Variants in UNC80 observed in about 807,000 individuals in gnomAD.
UNC80 encodes the protein unc-80 subunit of NALCN channel complex.
Under a neutral mutation model 384.6 loss-of-function variants are expected in UNC80, and 164 were observed. That is an observed-to-expected ratio of 0.43 (90% CI 0.38 to 0.49). The LOEUF (loss-of-function observed/expected upper bound fraction) is 0.49. UNC80 is among the 20% of genes least tolerant of loss of function. The pLI is 0.00. For synonymous variants in UNC80, 1,486 were observed against 1,527.8 expected, an observed-to-expected ratio of 0.97 and a Z score of 0.64; for missense variants, 3,330 against 4,143.0, an observed-to-expected ratio of 0.80 and a Z score of 5.39.
intron 52 of UNC80, 72 bp downstream of exon 52, chr2:209,967,709 T>C (rs2092777424): frequency 6.9e-7 from 1 of 1,452,454 alleles, no homozygotes; most frequent in South Asian, 1.3e-5. Context: ...TTTAAGATGG[T>C]GGATCATTCT....
At chr2:209,817,568 G>A (rs1295060997) in intron 10 of UNC80, among the ~76,000 whole-genome samples, 1 of 151,770 alleles carries the variant, frequency 6.6e-6, no homozygotes, top group Non-Finnish European at 1.5e-5. Context: ...CAGCTAGCTG[G>A]GCCACAACAG....
intron 13 of UNC80, among the ~76,000 whole-genome samples, chr2:209,825,423 C>T (rs555592953): frequency 1.2e-4 from 19 of 152,070 alleles, no homozygotes; most frequent in Non-Finnish European, 2.6e-4. Flanking sequence ...TGAAAGTATA[C>T]AATTAGAAAT....
chr2:209,991,201 G>C (rs1272151849), intron 61 of UNC80, among the ~76,000 whole-genome samples: 1 of 152,166 alleles, frequency 6.6e-6, no homozygotes, highest in Admixed American at 6.5e-5. Flanking sequence ...ACTATCTGTA[G>C]ATGACTCTCC....
intron 7 of UNC80, among the ~76,000 whole-genome samples, chr2:209,806,140 A>T (rs137959555): frequency 6.6e-6 from 1 of 152,172 alleles, no homozygotes; most frequent in East Asian, 1.9e-4. Context: ...AAAACCAAGA[A>T]CAGTGTAAAA....
At chr2:209,945,263 CAT>C in intron 46 of UNC80, 74 bp downstream of exon 46, 1 of 1,396,806 alleles carries the variant, frequency 7.2e-7, no homozygotes, top group South Asian at 1.5e-5. Flanking sequence ...ATTATACACA[CAT>C]ACACGTATAT....
Position 209,913,950 on chromosome 2 carries a change from G to A in UNC80, c.5029+10G>A. ...ATGGCAGGGGCAGCAGGTAAAGAAA[G>A]ACCACCTGGAACCCTGTGCCTGCTG... On this transcript the variant is annotated intron_variant, in intron 31 of 64. Coordinates refer to ENST00000673920, the MANE Select transcript of UNC80 (RefSeq NM_001371986.1). 1 of 1,540,788 alleles carries A rather than the reference G, an allele frequency of 6.5e-7. No individual in the cohort carries two copies. The highest frequency in any genetic ancestry group is 2.5e-5 in the East Asian group (1 of 40,688).
chr2:209,870,988 A>G (rs922807957), intron 22 of UNC80, among the ~76,000 whole-genome samples: 1 of 152,178 alleles, frequency 6.6e-6, no homozygotes, highest in Non-Finnish European at 1.5e-5. Flanking sequence ...CTAAGTTGAC[A>G]TAATTGGACC....
intron 11 of UNC80, among the ~76,000 whole-genome samples, chr2:209,818,768 GTT>G (rs1212704902): frequency 1.3e-5 from 2 of 152,214 alleles, no homozygotes; most frequent in South Asian, 2.1e-4. Flanking sequence ...AAGGAAGCCA[GTT>G]ATAATTCACA....
intron 22 of UNC80, among the ~76,000 whole-genome samples, chr2:209,850,121 A>G (rs1462541773): frequency 1.3e-5 from 2 of 152,130 alleles, no homozygotes; most frequent in Non-Finnish European, 2.9e-5. Context: ...AAAAATATGA[A>G]GCAAGATCAA....
chr2:209,854,346 G>A (rs1190024034), intron 22 of UNC80, among the ~76,000 whole-genome samples: 1 of 152,008 alleles, frequency 6.6e-6, no homozygotes, highest in Non-Finnish European at 1.5e-5. Context: ...TGCTTGAATA[G>A]TATTTCATTG....
At chr2:209,794,034 C>T (rs1379510816) in intron 7 of UNC80, among the ~76,000 whole-genome samples, 175 bp downstream of exon 7, 5 of 152,196 alleles carry the variant, frequency 3.3e-5, no homozygotes, top group Admixed American at 2.0e-4. Flanking sequence ...ATGAATGGCT[C>T]TCCTTTAAAC....
chr2:209,818,169 G>A (rs1193738635), intron 11 of UNC80, among the ~76,000 whole-genome samples: 1 of 152,156 alleles, frequency 6.6e-6, no homozygotes, highest in African/African-American at 2.4e-5. Flanking sequence ...CACAGGGAGA[G>A]CAAGGACAAG....
chr2:209,907,046 C>G (rs538542600), intron 29 of UNC80, among the ~76,000 whole-genome samples: 6 of 152,310 alleles, frequency 3.9e-5, no homozygotes, highest in Admixed American at 2.6e-4. Context: ...ATGCCATCTC[C>G]TCCATGAAAC....
At chr2:209,901,325 T>C (rs962412631) in intron 28 of UNC80, among the ~76,000 whole-genome samples, 2 of 152,128 alleles carry the variant, frequency 1.3e-5, no homozygotes, top group African/African-American at 4.8e-5. Context: ...CCCTTAAGAA[T>C]TATGCTAAAT....
Position 209,997,495 on chromosome 2 carries a change from A to G in UNC80, c.*1900A>G, listed in dbSNP as rs914351021. The G allele has an allele frequency of 2.0e-5, 3 of 152,194 alleles. No homozygotes were observed. Among genetic ancestry groups the G allele is most frequent in the African/African-American group, 7.2e-5 (3 of 41,468 alleles). 9.4% of individuals were successfully genotyped at this position (152,194 alleles called of 1,614,324 possible). On this transcript the variant is annotated 3_prime_UTR_variant, in exon 65 of 65. Coordinates refer to ENST00000673920, the MANE Select transcript of UNC80 (RefSeq NM_001371986.1). ...TTGTTCCAGTTTCTTCAAATTATCTATGTATAATTGTATGAAATATTTAAA... is the reference window on the plus strand; with the variant it reads ...TTGTTCCAGTTTCTTCAAATTATCTGTGTATAATTGTATGAAATATTTAAA...
At chr2:209,967,379 CT>C in intron 51 of UNC80, 57 bp from the exon 52 acceptor site, 1 of 1,305,518 alleles carries the variant, frequency 7.7e-7, no homozygotes, top group South Asian at 2.1e-5. Context: ...AAAAAAATTC[CT>C]GTTGTGTAAT....
At chr2:209,850,180 G>A (rs984157211) in intron 22 of UNC80, among the ~76,000 whole-genome samples, 11 of 152,056 alleles carry the variant, frequency 7.2e-5, no homozygotes, top group African/African-American at 2.2e-4. Flanking sequence ...TATTATACAC[G>A]TGTAAAGGAT....
At position 209,998,953 on chromosome 2, in the gene UNC80, G is replaced by A. The variant is rs2093520639; in HGVS notation, c.*3358G>A. The A allele has an allele frequency of 6.6e-6, 1 of 152,118 alleles. No homozygotes were observed. Among genetic ancestry groups the A allele is most frequent in the South Asian group, 2.1e-4 (1 of 4,830 alleles). 9.4% of individuals were successfully genotyped at this position (152,118 alleles called of 1,614,324 possible). A position where few individuals can be genotyped will look rare whatever the true frequency, so the allele number is the denominator to read the frequency against. ...ACTCAGGAGAATAAAAACAAGTTGAGGGCAGAATGTATTTGGAAAAGCTTA... is the reference window on the plus strand; with the variant it reads ...ACTCAGGAGAATAAAAACAAGTTGAAGGCAGAATGTATTTGGAAAAGCTTA... On this transcript the variant is annotated 3_prime_UTR_variant, in exon 65 of 65. Coordinates refer to ENST00000673920, the MANE Select transcript of UNC80 (RefSeq NM_001371986.1).
At chr2:209,808,735 G>A (rs1481062256) in intron 7 of UNC80, 5 of 224,286 alleles carry the variant, frequency 2.2e-5, no homozygotes, top group South Asian at 1.1e-4. Context: ...TTGCTCCAAG[G>A]CTCGGCCTAG....
Sources: gnomAD v4.1 joint callset for allele counts (sites outside exome capture counted in the v4.1 genomes callset) on GRCh38, gnomAD v4.1.1 for gene constraint, MANE v1.5 for transcripts, NCBI Gene and HGNC (gene_info 2026-07-23, HGNC 2026-07-21) for gene names.